Variants in DNER observed in about 807,000 individuals in gnomAD.
DNER encodes the protein delta and Notch-like epidermal growth factor-related receptor.
A neutral mutation model predicts 78.2 loss-of-function variants in DNER; 33 were observed. That is an observed-to-expected ratio of 0.42 (90% CI 0.32 to 0.56). DNER has a LOEUF of 0.56. DNER is among the 20% of genes least tolerant of loss of function. DNER has a pLI of 0.11. For missense variants in DNER, 918 were observed against 975.3 expected (o/e 0.94, Z 0.78); for synonymous variants, 417 against 384.8 (o/e 1.08, Z -0.98).
chr2:229,649,850 G>A (rs893365190), intron 1 of DNER, among the ~76,000 whole-genome samples: 4 of 152,014 alleles, frequency 2.6e-5, no homozygotes, highest in African/African-American at 4.8e-5. Context: ...TGAGGCGGGC[G>A]GATCACGAGG....
chr2:229,379,798 T>C (rs1347348082), intron 11 of DNER, among the ~76,000 whole-genome samples: 1 of 152,150 alleles, frequency 6.6e-6, no homozygotes, highest in African/African-American at 2.4e-5. Context: ...CTGACCCAAG[T>C]CTGGAATCCT....
intron 8 of DNER, among the ~76,000 whole-genome samples, chr2:229,447,010 G>A (rs1487147837): frequency 6.6e-6 from 1 of 152,140 alleles, no homozygotes; most frequent in Non-Finnish European, 1.5e-5. Flanking sequence ...ATGAGATTAA[G>A]CCTGTTTTCA....
chr2:229,579,289 T>C (rs976274766), intron 4 of DNER, among the ~76,000 whole-genome samples: 3 of 152,130 alleles, frequency 2.0e-5, no homozygotes, highest in African/African-American at 7.2e-5. Context: ...CCCCATTCAC[T>C]CAGAGACCAC....
intron 1 of DNER, among the ~76,000 whole-genome samples, chr2:229,707,476 T>C (rs540734780): frequency 6.6e-6 from 1 of 152,368 alleles, no homozygotes; most frequent in African/African-American, 2.4e-5. Flanking sequence ...AATGTCTTCA[T>C]GTGCTTTCCT....
Position 229,416,648 on chromosome 2 carries a change from T to C in DNER, c.1609+1460A>G, listed in dbSNP as rs142407844. 2.0e-4 allele frequency among the ~76,000 whole-genome samples: 31 copies of C among 152,330 alleles called. No individual in the cohort carries two copies. The East Asian group carries it at 5.0e-3, about 25-fold the overall frequency. ...AATTACAGCATGCACTTCCTCTCTA[T>C]AAGCTGAAGGATTTTTTTGGACTAA... On this transcript the variant is annotated intron_variant, in intron 9 of 12. Coordinates refer to ENST00000341772, the MANE Select transcript of DNER (RefSeq NM_139072.4).
chr2:229,491,635 C>A (rs773064834), intron 6 of DNER, among the ~76,000 whole-genome samples: 10 of 152,186 alleles, frequency 6.6e-5, no homozygotes, highest in Non-Finnish European at 1.2e-4. Context: ...GGAGGCTTTA[C>A]CTAGTCAACC....
intron 11 of DNER, among the ~76,000 whole-genome samples, chr2:229,372,904 A>G (rs549403278): frequency 1.3e-5 from 2 of 152,132 alleles, no homozygotes; most frequent in African/African-American, 4.8e-5. Flanking sequence ...CAGGAGGCCA[A>G]TTCCTGGTTT....
chr2:229,530,604 G>C (rs1696283997), intron 5 of DNER, among the ~76,000 whole-genome samples: 2 of 152,222 alleles, frequency 1.3e-5, no homozygotes, highest in South Asian at 4.1e-4. Flanking sequence ...AACCTTGCTG[G>C]GTTTGTCCAT....
chr2:229,612,030 A>G (rs1233610066), intron 1 of DNER, among the ~76,000 whole-genome samples: 1 of 152,206 alleles, frequency 6.6e-6, no homozygotes, highest in African/African-American at 2.4e-5. Flanking sequence ...GGATTAAGGC[A>G]TTAGTTGCAA....
At chr2:229,660,794 G>A (rs1280447615) in intron 1 of DNER, among the ~76,000 whole-genome samples, 1 of 152,118 alleles carries the variant, frequency 6.6e-6, no homozygotes, top group Non-Finnish European at 1.5e-5. Flanking sequence ...TGTAACTCTA[G>A]TGACCTTAAC....
At chr2:229,442,108 A>G (rs1694248079) in intron 8 of DNER, among the ~76,000 whole-genome samples, 1 of 152,192 alleles carries the variant, frequency 6.6e-6, no homozygotes, top group African/African-American at 2.4e-5. Context: ...AAGGAAGGAC[A>G]TGAGGGCAGG....
intron 1 of DNER, among the ~76,000 whole-genome samples, chr2:229,666,485 A>G (rs1403250732): frequency 6.6e-6 from 1 of 152,220 alleles, no homozygotes; most frequent in African/African-American, 2.4e-5. Context: ...GAGTACAAAA[A>G]TTAGCTCTGA....
At chr2:229,618,665 T>A (rs935374006) in intron 1 of DNER, among the ~76,000 whole-genome samples, 1 of 152,240 alleles carries the variant, frequency 6.6e-6, no homozygotes, top group East Asian at 1.9e-4. Flanking sequence ...TGTTGCACAT[T>A]TCATACTCTA....
chr2:229,639,833 C>T (rs1417571016), intron 1 of DNER, among the ~76,000 whole-genome samples: 2 of 152,074 alleles, frequency 1.3e-5, no homozygotes, highest in East Asian at 1.9e-4. Context: ...AAGGGCAGGC[C>T]CTTGAATGAT....
intron 1 of DNER, among the ~76,000 whole-genome samples, chr2:229,638,972 A>G (rs1698570472): frequency 6.6e-6 from 1 of 152,162 alleles, no homozygotes; most frequent in Non-Finnish European, 1.5e-5. Flanking sequence ...CTCAATGTCT[A>G]TGACCACCTG....
chr2:229,485,403 G>A (rs1393353170), intron 6 of DNER, among the ~76,000 whole-genome samples: 3 of 152,214 alleles, frequency 2.0e-5, no homozygotes, highest in African/African-American at 7.2e-5. Context: ...GGTGTTCACA[G>A]ATTACATTTG....
chr2:229,545,530 C>T (rs921014012), intron 5 of DNER, among the ~76,000 whole-genome samples: 4 of 152,174 alleles, frequency 2.6e-5, no homozygotes, highest in East Asian at 3.8e-4. Context: ...GCCGAGATCG[C>T]GCCACTGCAC....
At chr2:229,576,643 G>A (rs1436615650) in intron 4 of DNER, among the ~76,000 whole-genome samples, 1 of 152,162 alleles carries the variant, frequency 6.6e-6, no homozygotes, top group African/African-American at 2.4e-5. Context: ...GCCAGAAAAG[G>A]TTTGTGGGGG....
chr2:229,606,786 G>A (rs753179005), intron 1 of DNER, among the ~76,000 whole-genome samples: 1 of 152,022 alleles, frequency 6.6e-6, no homozygotes, highest in African/African-American at 2.4e-5. Flanking sequence ...CCAGCTACTC[G>A]GGAGGCTGAG....
Sources: gnomAD v4.1 joint callset for allele counts (sites outside exome capture counted in the v4.1 genomes callset) on GRCh38, gnomAD v4.1.1 for gene constraint, MANE v1.5 for transcripts, NCBI Gene and HGNC (gene_info 2026-07-23, HGNC 2026-07-21) for gene names.